The following SRPK2 variants were observed in gnomAD, a reference collection of about 807,000 sequenced individuals.
SRPK2 encodes SRSF protein kinase 2, also known as SFRS protein kinase 2.
Under a neutral mutation model 90.8 loss-of-function variants are expected in SRPK2, and 21 were observed. That is an observed-to-expected ratio of 0.23 (90% confidence interval 0.16 to 0.33). The LOEUF is 0.33. SRPK2 is among the 10% of genes least tolerant of loss of function. The pLI, the probability that SRPK2 is intolerant of heterozygous loss-of-function variation, is 1.00. For synonymous variants in SRPK2, 288 were observed against 311.1 expected, an observed-to-expected ratio of 0.93 and a Z score of 0.78; for missense variants, 620 against 869.0, an observed-to-expected ratio of 0.71 and a Z score of 3.60.
intron 3 of SRPK2, among the ~76,000 whole-genome samples, chr7:105,203,028 G>A (rs903925731): frequency 4.6e-5 from 7 of 152,106 alleles, no homozygotes; most frequent in East Asian, 1.9e-4. Flanking sequence ...TGGTTCTGCC[G>A]CCCAGGCTGG....
chr7:105,297,284 A>C (rs189740351), intron 2 of SRPK2: 1 of 190,918 alleles, frequency 5.2e-6, no homozygotes, highest in East Asian at 1.9e-4. Context: ...TTAGTTTTAC[A>C]TGGTGTTCAA....
In SRPK2 at chr7:105,167,412, A is replaced by T; in HGVS notation, c.479T>A (p.Ile160Asn). 1 of 1,613,916 alleles carries T rather than the reference A, an allele frequency of 6.2e-7. No homozygotes were observed. The highest frequency in any genetic ancestry group is 1.6e-4 in the Middle Eastern group (1 of 6,062). Residue 160 changes from isoleucine (I) to asparagine (N), a missense_variant, in exon 6 of 16, where the codon ATT becomes AAT. Transcript: ENST00000393651. ...CATGCCTGAAATCTTGAAGTCGTCAATGAGCTGGACCACCATGTCTTTGTT... is the reference window on the plus strand; with the variant it reads ...CATGCCTGAAATCTTGAAGTCGTCATTGAGCTGGACCACCATGTCTTTGTT... Reference protein sequence around the residue: ...DPNKDMVVQLIDDFKISGMNG... With the variant: ...DPNKDMVVQLNDDFKISGMNG...
intron 2 of SRPK2, among the ~76,000 whole-genome samples, chr7:105,236,881 G>T (rs765331854): frequency 2.0e-5 from 3 of 152,190 alleles, no homozygotes; most frequent in Non-Finnish European, 4.4e-5. Context: ...CACAAATATA[G>T]AGATAGAATC....
chr7:105,344,954 G>A (rs981410604), intron 2 of SRPK2, among the ~76,000 whole-genome samples: 1 of 151,920 alleles, frequency 6.6e-6, no homozygotes, highest in Non-Finnish European at 1.5e-5. Context: ...TGGCCAACAT[G>A]GTGAAACCCT....
intron 2 of SRPK2, among the ~76,000 whole-genome samples, chr7:105,331,814 C>T (rs1375267369): frequency 1.3e-5 from 2 of 152,134 alleles, no homozygotes; most frequent in South Asian, 2.1e-4. Flanking sequence ...ACAGATGGAA[C>T]GGTCATGAAA....
At chr7:105,268,793 G>A (rs1445589837) in intron 2 of SRPK2, 2 of 1,591,600 alleles carry the variant, frequency 1.3e-6, no homozygotes, top group Non-Finnish European at 1.7e-6. Context: ...TCATGCAAGA[G>A]ATGTAGCTGT....
intron 2 of SRPK2, among the ~76,000 whole-genome samples, chr7:105,380,580 G>C (rs1027307414): frequency 6.9e-6 from 1 of 144,714 alleles, no homozygotes; most frequent in Non-Finnish European, 1.5e-5. Flanking sequence ...CTGGAGTGCA[G>C]TGGCGCCATC....
At chr7:105,126,384 AG>A (rs1801210108) in intron 14 of SRPK2, 44 bp from the exon 15 acceptor site, 1 of 1,398,074 alleles carries the variant, frequency 7.2e-7, no homozygotes, top group South Asian at 1.2e-5. Flanking sequence ...GGAGGGGCAA[AG>A]GGAAGGATGG....
At chr7:105,393,287 C>T (rs1481735749), upstream of SRPK2, among the ~76,000 whole-genome samples, 4 of 148,834 alleles carry the variant, frequency 2.7e-5, no homozygotes, top group South Asian at 2.1e-4. Flanking sequence ...TGAGCCACCG[C>T]GTCCAGCCTA....
intron 2 of SRPK2, among the ~76,000 whole-genome samples, chr7:105,329,078 A>C (rs1813958480): frequency 6.6e-6 from 1 of 152,148 alleles, no homozygotes. Context: ...TTCCAGTCTC[A>C]GATGTGAGAT....
At chr7:105,199,897 A>T (rs868338628) in intron 3 of SRPK2, among the ~76,000 whole-genome samples, 451 of 2,984 alleles carry the variant, frequency 0.15, 2 homozygotes, top group African/African-American at 0.38. Context: ...TGTTTAATTT[A>T]AAAAAAAAAA....
At chr7:105,184,544 T>C (rs747057192) in intron 3 of SRPK2, among the ~76,000 whole-genome samples, 2 of 152,254 alleles carry the variant, frequency 1.3e-5, no homozygotes, top group Non-Finnish European at 2.9e-5. Context: ...CTTTGTATTT[T>C]AATGAAAGCA....
At chr7:105,244,678 G>A (rs1801339321) in intron 2 of SRPK2, 2 of 1,109,796 alleles carry the variant, frequency 1.8e-6, no homozygotes, top group South Asian at 1.3e-5. Context: ...CTATGGCCGT[G>A]GGCCTCAACA....
chr7:105,370,916 G>A lies in SRPK2; in HGVS notation c.71+17732C>T, dbSNP rs571728645. 9.2e-5 allele frequency among the ~76,000 whole-genome samples: 14 copies of A among 151,736 alleles called. No individual in the cohort carries two copies. In the East Asian group the frequency reaches 9.7e-4, roughly 11 times the overall value. ...CAGGCATGATCTACTGCGCCCGGCC[G>A]GATTATTAATTTTAAACTTACTAGC... On this transcript the variant is annotated intron_variant, in intron 2 of 15. Coordinates refer to ENST00000393651, the MANE Select transcript of SRPK2 (RefSeq NM_182692.3).
At chr7:105,358,245 A>AC (rs1554520707) in intron 2 of SRPK2, among the ~76,000 whole-genome samples, 125 of 150,458 alleles carry the variant, frequency 8.3e-4, no homozygotes, top group African/African-American at 2.7e-3. Context: ...AAAAAAAAAA[A>AC]CACCCCACGT....
intron 2 of SRPK2, among the ~76,000 whole-genome samples, chr7:105,381,476 A>G (rs1264198635): frequency 6.6e-6 from 1 of 152,058 alleles, no homozygotes; most frequent in Non-Finnish European, 1.5e-5. Context: ...TCGAAAAAAC[A>G]AAACAAAACA....
chr7:105,398,515 C>G (rs376494044), intron 1 of SRPK2, among the ~76,000 whole-genome samples: 3 of 152,138 alleles, frequency 2.0e-5, no homozygotes, highest in Non-Finnish European at 2.9e-5. Flanking sequence ...TCCCTAGGAG[C>G]TGGGATTACA....
chr7:105,263,761 AC>A (rs1804655646), intron 2 of SRPK2, among the ~76,000 whole-genome samples: 1 of 152,070 alleles, frequency 6.6e-6, no homozygotes. Context: ...AAACAAACAA[AC>A]AAAAACACTG....
chr7:105,166,234 C>G (rs74807680), intron 6 of SRPK2, among the ~76,000 whole-genome samples: 2,997 of 152,202 alleles, frequency 0.02, 109 homozygotes, highest in African/African-American at 0.069. Flanking sequence ...TAATCTGAAA[C>G]TGAACAACTA....
Sources: allele counts gnomAD v4.1 joint callset (sites outside exome capture counted in the v4.1 genomes callset), GRCh38; gene constraint gnomAD v4.1.1; transcripts MANE v1.5; gene names NCBI Gene and HGNC (gene_info 2026-07-23, HGNC 2026-07-21).